KCNH8: variants seen among roughly 807,000 people sequenced by gnomAD.
The protein encoded by KCNH8 is voltage-gated delayed rectifier potassium channel KCNH8.
A neutral mutation model predicts 103.6 loss-of-function variants in KCNH8; 70 were observed. The ratio of observed to expected loss-of-function variants is 0.68; its 90% CI spans 0.56 to 0.82. KCNH8 has a LOEUF of 0.82. Among genes scored for constraint, KCNH8 ranks in the 40% least tolerant of loss-of-function variants. The probability of loss-of-function intolerance (pLI) is 0.00; values close to 1 mark genes in which losing one functional copy is unlikely to be tolerated. For synonymous variants in KCNH8, 498 were observed against 489.4 expected (o/e 1.02, Z -0.23); for missense variants, 1,217 against 1,329.9 (o/e 0.92, Z 1.32).
chr3:19,505,403 C>T (rs530235220), intron 11 of KCNH8, among the ~76,000 whole-genome samples: 7 of 152,028 alleles, frequency 4.6e-5, no homozygotes, highest in Admixed American at 3.9e-4. Context: ...ACCCCCGTGA[C>T]ACAAGTTTAC....
At chr3:19,206,278 C>T (rs56969170) in intron 1 of KCNH8, among the ~76,000 whole-genome samples, 15,250 of 147,118 alleles carry the variant, frequency 0.1, 2,736 homozygotes, top group African/African-American at 0.36. Flanking sequence ...TATCTATATA[C>T]ATCACAGTTT....
Position 19,160,626 on chromosome 3 carries a change from A to C in KCNH8, c.76+11831A>C, listed in dbSNP as rs144689165. 9.7e-3 allele frequency among the ~76,000 whole-genome samples: 1,478 copies of C among 152,262 alleles called. 25 individuals carry two copies. Among genetic ancestry groups the C allele is most frequent in the African/African-American group, 0.033 (1,366 of 41,548 alleles). ...AGCTTTGCTTTCCATGATTTCAATTATGTTCTGTGAGCTGAATCCCAAAAA... is the reference window on the plus strand; with the variant it reads ...AGCTTTGCTTTCCATGATTTCAATTCTGTTCTGTGAGCTGAATCCCAAAAA... On this transcript the variant is annotated intron_variant, in intron 1 of 15. Transcript: ENST00000328405.
chr3:19,435,905 C>T (rs558050551), intron 7 of KCNH8, among the ~76,000 whole-genome samples: 2 of 152,252 alleles, frequency 1.3e-5, no homozygotes, highest in African/African-American at 4.8e-5. Context: ...CACACCTGTA[C>T]ACATTGTTAA....
At chr3:19,461,643 C>T (rs1270354348) in intron 11 of KCNH8, among the ~76,000 whole-genome samples, 1 of 152,142 alleles carries the variant, frequency 6.6e-6, no homozygotes, top group East Asian at 1.9e-4. Context: ...TTTTAAAAGT[C>T]ATGTGGCCAC....
At chr3:19,203,065 C>T (rs546436355) in intron 1 of KCNH8, among the ~76,000 whole-genome samples, 4 of 152,090 alleles carry the variant, frequency 2.6e-5, no homozygotes, top group South Asian at 2.1e-4. Flanking sequence ...ATTTTGAATA[C>T]GTAATAAGCT....
At chr3:19,203,862 A>G (rs1463819067) in intron 1 of KCNH8, among the ~76,000 whole-genome samples, 2 of 152,088 alleles carry the variant, frequency 1.3e-5, no homozygotes, top group African/African-American at 2.4e-5. Context: ...CAATGCAATT[A>G]CTAGAAGCAG....
chr3:19,293,151 T>TA (rs1484288778), intron 3 of KCNH8, among the ~76,000 whole-genome samples: 2 of 152,140 alleles, frequency 1.3e-5, no homozygotes, highest in Non-Finnish European at 2.9e-5. Flanking sequence ...GAATGAGACT[T>TA]AGAGTGTAAA....
intron 10 of KCNH8, among the ~76,000 whole-genome samples, chr3:19,455,487 C>G (rs771445267): frequency 1.3e-5 from 2 of 151,966 alleles, no homozygotes; most frequent in Non-Finnish European, 2.9e-5. Context: ...TCTTTCTCAT[C>G]TTTTAGAAAT....
intron 11 of KCNH8, among the ~76,000 whole-genome samples, chr3:19,465,047 TC>T (rs1342465722): frequency 6.6e-6 from 1 of 152,200 alleles, no homozygotes; most frequent in Non-Finnish European, 1.5e-5. Flanking sequence ...GATTTTCTTT[TC>T]TTTTATTCTG....
At chr3:19,485,727 T>TG (rs2068192493) in intron 11 of KCNH8, among the ~76,000 whole-genome samples, 2 of 152,194 alleles carry the variant, frequency 1.3e-5, no homozygotes. Flanking sequence ...AAGGGGTAGA[T>TG]GCTGCTTTTC....
chr3:19,206,168 G>GTGTGTGTGTATATATATATATA (rs979868166), intron 1 of KCNH8, among the ~76,000 whole-genome samples: 1 of 139,262 alleles, frequency 7.2e-6, no homozygotes, highest in African/African-American at 2.9e-5. Flanking sequence ...TGGTGTGTGT[G>GTGTGTGTGTATATATATATATA]TATATATATA....
At chr3:19,225,408 C>A (rs993953616) in intron 1 of KCNH8, among the ~76,000 whole-genome samples, 3 of 152,060 alleles carry the variant, frequency 2.0e-5, no homozygotes, top group Non-Finnish European at 2.9e-5. Context: ...GCCTAGAAAT[C>A]TTTCGATCAC....
intron 8 of KCNH8, among the ~76,000 whole-genome samples, chr3:19,440,774 A>G (rs78063773): frequency 6.6e-6 from 1 of 152,318 alleles, no homozygotes; most frequent in East Asian, 1.9e-4. Flanking sequence ...AACATTTATT[A>G]GTTGTTTTTA....
chr3:19,467,622 T>C (rs777045792), intron 11 of KCNH8, among the ~76,000 whole-genome samples: 1 of 151,844 alleles, frequency 6.6e-6, no homozygotes, highest in Non-Finnish European at 1.5e-5. Context: ...ATGGTGGGAG[T>C]AGGAGCTGAA....
intron 10 of KCNH8, among the ~76,000 whole-genome samples, chr3:19,452,574 A>G (rs1336850533): frequency 1.3e-5 from 2 of 152,190 alleles, no homozygotes; most frequent in East Asian, 3.9e-4. Context: ...AGGTGGTAGT[A>G]ATGATGGTGA....
intron 7 of KCNH8, among the ~76,000 whole-genome samples, chr3:19,416,594 C>T (rs1304681486): frequency 1.3e-5 from 2 of 151,972 alleles, no homozygotes; most frequent in Non-Finnish European, 1.5e-5. Flanking sequence ...TTAAAAAATT[C>T]TTATTCTGAG....
intron 1 of KCNH8, among the ~76,000 whole-genome samples, chr3:19,220,912 A>T (rs1411573511): frequency 6.6e-6 from 1 of 152,162 alleles, no homozygotes; most frequent in Non-Finnish European, 1.5e-5. Context: ...CAAGAACCTA[A>T]TGAAGCCTAA....
At chr3:19,419,269 G>A (rs1182672230) in intron 7 of KCNH8, among the ~76,000 whole-genome samples, 6 of 141,436 alleles carry the variant, frequency 4.2e-5, no homozygotes, top group East Asian at 2.3e-4. Flanking sequence ...GCGCGATCTC[G>A]GCTCACTGCA....
chr3:19,431,104 G>T (rs1265232361), intron 7 of KCNH8, among the ~76,000 whole-genome samples: 2 of 152,160 alleles, frequency 1.3e-5, no homozygotes, highest in Non-Finnish European at 2.9e-5. Flanking sequence ...CATTCAGCCT[G>T]ATGTTGGCTG....
Sources: gnomAD v4.1 joint callset for allele counts (sites outside exome capture counted in the v4.1 genomes callset) on GRCh38, gnomAD v4.1.1 for gene constraint, MANE v1.5 for transcripts, NCBI Gene and HGNC (gene_info 2026-07-23, HGNC 2026-07-21) for gene names.